The following TOGARAM1 variants were observed in gnomAD, a reference collection of about 807,000 sequenced individuals.
The protein encoded by TOGARAM1 is TOG array regulator of axonemal microtubules 1.
Under a neutral mutation model 166.6 loss-of-function variants are expected in TOGARAM1, and 100 were observed. The ratio of observed to expected loss-of-function variants is 0.60; its 90% CI spans 0.51 to 0.71. The LOEUF (loss-of-function observed/expected upper bound fraction) is 0.71, where lower values mean the gene tolerates loss of function less well. TOGARAM1 is among the 30% of genes least tolerant of loss of function. TOGARAM1 has a pLI of 0.00. For missense variants in TOGARAM1, 2,029 were observed against 2,102.7 expected, an observed-to-expected ratio of 0.96 and a Z score of 0.69; for synonymous variants, 758 against 763.8, an observed-to-expected ratio of 0.99 and a Z score of 0.13.
intron 1 of TOGARAM1, chr14:44,995,531 A>G (rs548449705): frequency 1.8e-6 from 1 of 552,216 alleles, no homozygotes; most frequent in African/African-American, 1.9e-5. Context: ...GTTGGGGTGA[A>G]GTAGTAAGAA....
chr14:44,967,962 T>C (rs1885651142), intron 1 of TOGARAM1, among the ~76,000 whole-genome samples: 1 of 152,234 alleles, frequency 6.6e-6, no homozygotes, highest in Non-Finnish European at 1.5e-5. Flanking sequence ...CTGCTTGTCA[T>C]GTGTCAAGTC....
intron 12 of TOGARAM1, among the ~76,000 whole-genome samples, chr14:45,044,429 T>C (rs1243472590): frequency 1.3e-5 from 2 of 151,956 alleles, no homozygotes; most frequent in Non-Finnish European, 2.9e-5. Context: ...TAATCCTAGC[T>C]ACTCAGGTGG....
intron 1 of TOGARAM1, among the ~76,000 whole-genome samples, chr14:44,976,977 T>C (rs1174637098): frequency 6.6e-6 from 1 of 152,152 alleles, no homozygotes; most frequent in Admixed American, 6.6e-5. Context: ...ATAATTTTGC[T>C]CAAAATTGCT....
rs375715688 is a variant in TOGARAM1 at position 45,073,584 on chromosome 14, A to T, written c.*23A>T. ...TGAATCTTCGATAAAATACTGTATG[A>T]TGAACAAAAGTGTTTACATGATGAC... On this transcript the variant is annotated 3_prime_UTR_variant, in exon 20 of 20. Transcript: ENST00000361462. 14 of 1,597,448 alleles carry T rather than the reference A, an allele frequency of 8.8e-6. No individual in the cohort carries two copies. The highest frequency in any genetic ancestry group is 1.2e-5 in the Non-Finnish European group (14 of 1,171,178).
rs1885320663 is a variant in TOGARAM1 at position 44,963,400 on chromosome 14, G to A, written c.979G>A (p.Ala327Thr). Residue 327 changes from alanine to threonine, a missense_variant, in exon 1 of 20, where the codon GCC (alanine) becomes ACC (threonine). Ala to Thr is a moderately conservative substitution (Grantham distance 58, BLOSUM62 0). Transcript: ENST00000361462. ...SQVPYYLELEASGFPEDPLPC... is the reference protein window; with the variant it reads ...SQVPYYLELETSGFPEDPLPC... ...GGTTCCTTATTATTTGGAACTTGAAGCCTCTGGATTTCCTGAAGATCCCCT... is the reference window on the plus strand; with the variant it reads ...GGTTCCTTATTATTTGGAACTTGAAACCTCTGGATTTCCTGAAGATCCCCT... The A allele has an allele frequency of 6.2e-7, 1 of 1,614,192 alleles. No homozygotes were observed. Among genetic ancestry groups the A allele is most frequent in the Non-Finnish European group, 8.5e-7 (1 of 1,180,040 alleles).
chr14:44,965,036 T>A (rs114318796), intron 1 of TOGARAM1, among the ~76,000 whole-genome samples: 2,815 of 151,720 alleles, frequency 0.019, 33 homozygotes, highest in African/African-American at 0.037. Flanking sequence ...CCCCAAAGCT[T>A]TTATTTAAAA....
rs1392829500 is a variant in TOGARAM1 at position 45,006,259 on chromosome 14, C to G, written c.2896C>G (p.Gln966Glu). The change falls in exon 5 of 20, where the codon CAA becomes GAA. Residue 966 changes from glutamine (Q) to glutamate (E), a missense_variant. Physicochemically the swap from Gln to Glu is conservative, Grantham distance 29 (BLOSUM62 2). Around this residue, in one of 2 missense-constraint regions of TOGARAM1, gnomAD observed 1,453 missense variants for 1,432.2 expected, o/e 1.01. Coordinates refer to ENST00000361462, the MANE Select transcript of TOGARAM1 (RefSeq NM_001308120.2). The stretch of plus-strand genomic sequence containing the variant: ...AAATTTCAAGGATAAAGATTTGGAT[C>G]AAGAAGAGGTTAGAACCAAATATTT... ...ELNFKDKDLD[Q>E]EEMHSSLRSL... The G allele has an allele frequency of 1.9e-6, 3 of 1,607,582 alleles. No individual in the cohort carries two copies. Among genetic ancestry groups the G allele is most frequent in the Non-Finnish European group, 2.6e-6 (3 of 1,176,002 alleles).
intron 3 of TOGARAM1, among the ~76,000 whole-genome samples, chr14:44,999,930 C>T (rs1049169601): frequency 6.6e-6 from 1 of 152,172 alleles, no homozygotes; most frequent in African/African-American, 2.4e-5. Flanking sequence ...GTATTGTTAA[C>T]TATAGTCACC....
chr14:44,978,436 A>G (rs1211366589), intron 1 of TOGARAM1: 1 of 152,254 alleles, frequency 6.6e-6, no homozygotes, highest in Non-Finnish European at 1.5e-5. Context: ...CTTAGACAAA[A>G]ATGTGAAGAT....
intron 1 of TOGARAM1, among the ~76,000 whole-genome samples, chr14:44,965,406 A>T (rs1283381977): frequency 1.3e-5 from 2 of 152,190 alleles, no homozygotes; most frequent in Non-Finnish European, 2.9e-5. Context: ...TTGTAATTTT[A>T]TCTAGAATAA....
chr14:45,058,545 G>A (rs1882755062), intron 16 of TOGARAM1, among the ~76,000 whole-genome samples: 1 of 152,064 alleles, frequency 6.6e-6, no homozygotes, highest in Non-Finnish European at 1.5e-5. Flanking sequence ...CATCTGCGTT[G>A]GCCTCCCAAA....
intron 7 of TOGARAM1, among the ~76,000 whole-genome samples, chr14:45,023,568 A>T (rs140932465): frequency 1.3e-5 from 2 of 152,058 alleles, no homozygotes; most frequent in Non-Finnish European, 2.9e-5. Flanking sequence ...CACTACATCA[A>T]TTTCCTTACT....
chr14:44,985,923 T>C (rs1886769625), intron 1 of TOGARAM1, among the ~76,000 whole-genome samples: 1 of 152,234 alleles, frequency 6.6e-6, no homozygotes, highest in African/African-American at 2.4e-5. Flanking sequence ...GTCCAAAATC[T>C]TAAAGTTAGC....
chr14:44,973,788 T>C (rs961194), intron 1 of TOGARAM1, among the ~76,000 whole-genome samples: 7,025 of 151,742 alleles, frequency 0.046, 535 homozygotes, highest in African/African-American at 0.16. Context: ...GACTTCTAAA[T>C]TGATGGGTTT....
intron 1 of TOGARAM1, among the ~76,000 whole-genome samples, chr14:44,995,202 TA>T (rs1887354701): frequency 6.6e-6 from 1 of 152,210 alleles, no homozygotes; most frequent in Non-Finnish European, 1.5e-5. Context: ...TATACATATA[TA>T]AAGTATTATT....
chr14:45,019,682 C>G (rs1185567943), intron 7 of TOGARAM1, among the ~76,000 whole-genome samples: 1 of 152,154 alleles, frequency 6.6e-6, no homozygotes, highest in Non-Finnish European at 1.5e-5. Context: ...AGTGAGCTCT[C>G]TTTACTACCT....
chr14:45,013,972 C>T (rs1346769122), intron 7 of TOGARAM1, among the ~76,000 whole-genome samples: 2 of 151,572 alleles, frequency 1.3e-5, no homozygotes, highest in Non-Finnish European at 2.9e-5. Flanking sequence ...TAAGTTTTAG[C>T]AGAGTGATCT....
chr14:44,964,123 G>T lies in TOGARAM1; in HGVS notation c.1702G>T (p.Ala568Ser). 6.2e-7 allele frequency: 1 copy of T among 1,614,234 alleles called. No individual in the cohort carries two copies. The highest frequency in any genetic ancestry group is 8.5e-7 in the Non-Finnish European group (1 of 1,180,034). Residue 568 changes from alanine (A) to serine (S), a missense_variant, in exon 1 of 20, where the codon GCT (alanine) becomes TCT (serine). Ala to Ser is a moderately conservative substitution (Grantham distance 99). This residue lies in a region of TOGARAM1 where 1,453 missense variants were observed against 1,432.2 expected (regional missense o/e 1.01). Coordinates refer to ENST00000361462, the MANE Select transcript of TOGARAM1 (RefSeq NM_001308120.2). ...AGATAATGGAGATGGAGTGATGAAT[G>T]CTGTGCAGGCCAGATTGGCTAGGAA... is the stretch of plus-strand genomic sequence containing the variant. ...LQDNGDGVMN[A>S]VQARLARKTL...
chr14:44,995,206 G>C (rs936761321), intron 1 of TOGARAM1, among the ~76,000 whole-genome samples: 1 of 152,156 alleles, frequency 6.6e-6, no homozygotes, highest in Non-Finnish European at 1.5e-5. Context: ...CATATATAAA[G>C]TATTATTTAC....
Sources: allele counts gnomAD v4.1 joint callset (sites outside exome capture counted in the v4.1 genomes callset), GRCh38; gene constraint gnomAD v4.1.1; regional missense constraint gnomAD v4.1.1; transcripts MANE v1.5; gene names NCBI Gene and HGNC (gene_info 2026-07-23, HGNC 2026-07-21).